FAM124A: variants seen among roughly 807,000 people sequenced by gnomAD.
FAM124A encodes family with sequence similarity 124 member A, also known as protein FAM124A.
Under a neutral mutation model 24.5 loss-of-function variants are expected in FAM124A, and 23 were observed. The ratio of observed to expected loss-of-function variants is 0.94; its 90% CI spans 0.68 to 1.33. The LOEUF is 1.33. Ranked by LOEUF, FAM124A falls within the 40% of genes most tolerant of loss-of-function variation. The pLI is 0.00. For synonymous variants in FAM124A, 287 were observed against 314.7 expected (o/e 0.91, Z 0.93); for missense variants, 623 against 722.8 (o/e 0.86, Z 1.58).
At chr13:51,270,460 C>T (rs1954830212) in intron 3 of FAM124A, among the ~76,000 whole-genome samples, 2 of 151,836 alleles carry the variant, frequency 1.3e-5, no homozygotes, top group Non-Finnish European at 2.9e-5. Context: ...TGCTTTTTAC[C>T]ACTCAAGAAA....
Position 51,281,225 on chromosome 13 carries a change from G to A in FAM124A, c.1610G>A (p.Gly537Glu). 1 of 1,592,296 alleles carries A rather than the reference G, an allele frequency of 6.3e-7. No individual in the cohort carries two copies. Among genetic ancestry groups the A allele is most frequent in the Non-Finnish European group, 8.5e-7 (1 of 1,170,918 alleles). Reference sequence around the variant, plus strand: ...CCACCCCCAGGGTCGGCTGGCCCCGGGGATAACGACATGGAGGAATTCTAC... The same window carrying A: ...CCACCCCCAGGGTCGGCTGGCCCCGAGGATAACGACATGGAGGAATTCTAC... The part of the protein sequence containing the change: ...MPPPPGSAGP[G>E]DNDMEEFYI Residue 537 changes from glycine to glutamate, a missense_variant, in exon 4 of 4, where the codon GGG becomes GAG. By Grantham distance (98) the Gly-to-Glu change is moderately conservative (BLOSUM62 -2). Coordinates refer to ENST00000322475, the MANE Select transcript of FAM124A (RefSeq NM_001242312.2).
chr13:51,252,487 C>A, intron 3 of FAM124A: 1 of 490,800 alleles, frequency 2.0e-6, no homozygotes, highest in Non-Finnish European at 3.6e-6. Context: ...ACTAAACACC[C>A]ATGACTCCTG....
rs780570797 is a variant in FAM124A, at chr13:51,225,976, C to CTTT, written c.68+3440_68+3442dup. On this transcript the variant is annotated intron_variant, in intron 1 of 3. Transcript: ENST00000322475. ...ATCTGTAATGTTGCTTGCTTGCTTT[C>CTTT]TTTTTTTTTTTTTTTTTTTTTTTTT... is the stretch of plus-strand genomic sequence containing the variant. Among the ~76,000 whole-genome samples the CTTT allele has an allele frequency of 4.4e-3, 294 of 67,572 alleles. 30 individuals carry two copies. The highest frequency in any genetic ancestry group is 0.014 in the African/African-American group (186 of 13,376). 44.3% of individuals were successfully genotyped at this position (67,572 alleles called of 152,430 possible).
At chr13:51,243,972 A>G (rs1954529581) in intron 2 of FAM124A, among the ~76,000 whole-genome samples, 1 of 152,162 alleles carries the variant, frequency 6.6e-6, no homozygotes, top group African/African-American at 2.4e-5. Context: ...CCAGCCCCCA[A>G]GCCACTCAGT....
intron 3 of FAM124A, among the ~76,000 whole-genome samples, chr13:51,254,207 TG>T (rs1260840273): frequency 6.6e-6 from 1 of 152,228 alleles, no homozygotes; most frequent in African/African-American, 2.4e-5. Context: ...TAAATTTTTT[TG>T]TTTAGTTGAA....
In FAM124A at chr13:51,251,959, C is replaced by T. The variant is rs2137679370; in HGVS notation, c.592C>T (p.Pro198Ser). 1 of 1,614,250 alleles carries T rather than the reference C, an allele frequency of 6.2e-7. No individual in the cohort carries two copies. Among genetic ancestry groups the T allele is most frequent in the Non-Finnish European group, 8.5e-7 (1 of 1,180,042 alleles). Residue 198 changes from proline (P) to serine (S), a missense_variant, in exon 3 of 4, where the codon CCC becomes TCC. Transcript: ENST00000322475. This position sits in a 1 kb window ranked among gnomAD's most constrained non-coding sequence, Gnocchi z 5.3. ...CTACCAGCTGATTCTCCGGAGGAGCCCCAGCCAGAAGAAAGCGGACTTCTG... is the reference window on the plus strand; with the variant it reads ...CTACCAGCTGATTCTCCGGAGGAGCTCCAGCCAGAAGAAAGCGGACTTCTG... ...RFYQLILRRS[P>S]SQKKADFCIF...
At chr13:51,226,253 C>T (rs1220052836) in intron 1 of FAM124A, among the ~76,000 whole-genome samples, 1 of 152,012 alleles carries the variant, frequency 6.6e-6, no homozygotes, top group Non-Finnish European at 1.5e-5. Context: ...TCCACCTTGG[C>T]CTCCCAAAGC....
At chr13:51,232,757 C>G (rs1438601358) in intron 2 of FAM124A, among the ~76,000 whole-genome samples, 1 of 152,254 alleles carries the variant, frequency 6.6e-6, no homozygotes, top group Non-Finnish European at 1.5e-5. Flanking sequence ...TTCCATTCCA[C>G]TCAGTTTTGC....
At position 51,280,571 on chromosome 13, in the gene FAM124A, A is replaced by C. The variant is rs1268743728; in HGVS notation, c.956A>C (p.Gln319Pro). ...AVPSHTPGSS[Q>P]QSPLNSPHPG... ...CCAAGCCATACACCTGGCAGCAGCC[A>C]GCAGTCCCCGCTCAACAGTCCTCAC... is the stretch of plus-strand genomic sequence containing the variant. Residue 319 changes from glutamine to proline, a missense_variant, in exon 4 of 4, where the codon CAG becomes CCG. Transcript: ENST00000322475. 1 of 1,614,036 alleles carries C rather than the reference A, an allele frequency of 6.2e-7. No individual in the cohort carries two copies. The highest frequency in any genetic ancestry group is 1.7e-5 in the Admixed American group (1 of 60,020).
In FAM124A at chr13:51,248,634, C is replaced by T. The variant is rs114274347; in HGVS notation, c.101-2834C>T. Among the ~76,000 whole-genome samples the T allele has an allele frequency of 4.4e-3, 664 of 152,202 alleles. 7 individuals carry two copies. The highest frequency in any genetic ancestry group is 0.016 in the African/African-American group (648 of 41,524). On this transcript the variant is annotated intron_variant, in intron 2 of 3. Transcript: ENST00000322475. ...ATGTGTCTCATCCCCTTACTGGGAC[C>T]GGTGGGCTCCCCCAAGTATGTTCTT...
chr13:51,226,548 G>A (rs1309798279), intron 1 of FAM124A, among the ~76,000 whole-genome samples: 1 of 152,144 alleles, frequency 6.6e-6, no homozygotes, highest in Non-Finnish European at 1.5e-5. Flanking sequence ...ATAACAAGGG[G>A]TACGAGTTCC....
At chr13:51,231,420 C>A (rs1027901009) in intron 2 of FAM124A, 41 bp downstream of exon 2, 1 of 1,609,082 alleles carries the variant, frequency 6.2e-7, no homozygotes, top group South Asian at 1.1e-5. Flanking sequence ...GTCTAACGGT[C>A]CCCGGAGAGG....
chr13:51,240,734 C>T (rs1460620960), intron 2 of FAM124A, among the ~76,000 whole-genome samples: 1 of 152,206 alleles, frequency 6.6e-6, no homozygotes, highest in African/African-American at 2.4e-5. Context: ...GACATAAAAG[C>T]AGTACTGCTT....
At chr13:51,244,865 C>T (rs1266658146) in intron 2 of FAM124A, among the ~76,000 whole-genome samples, 1 of 152,232 alleles carries the variant, frequency 6.6e-6, no homozygotes, top group African/African-American at 2.4e-5. Flanking sequence ...ACAGCAGGCT[C>T]TCCCACCTAA....
rs2137722324 is a variant in FAM124A at position 51,284,126 on chromosome 13, T to TCATC, written c.*2873_*2876dup. ...CCTGGCCATTCCAGTAGCATCTTCCTCATCCAGAAGGGCTTCCAATACTCT... is the reference window on the plus strand; with the variant it reads ...CCTGGCCATTCCAGTAGCATCTTCCTCATCCATCCAGAAGGGCTTCCAATACTCT... On this transcript the variant is annotated 3_prime_UTR_variant, in exon 4 of 4. Coordinates refer to ENST00000322475, the MANE Select transcript of FAM124A (RefSeq NM_001242312.2). The TCATC allele has an allele frequency of 6.6e-6, 1 of 152,336 alleles. No homozygotes were observed. Among genetic ancestry groups the TCATC allele is most frequent in the East Asian group, 1.9e-4 (1 of 5,190 alleles). The allele number at this position is 152,336 out of a possible 1,614,324, so 9.4% of individuals were successfully genotyped here.
chr13:51,228,842 T>TA (rs1954343448), intron 1 of FAM124A, among the ~76,000 whole-genome samples: 1 of 152,210 alleles, frequency 6.6e-6, no homozygotes, highest in African/African-American at 2.4e-5. Flanking sequence ...CCACCCATGA[T>TA]AATTTTTCTA....
At chr13:51,247,886 C>G (rs998157023) in intron 2 of FAM124A, among the ~76,000 whole-genome samples, 1 of 152,104 alleles carries the variant, frequency 6.6e-6, no homozygotes, top group Admixed American at 6.5e-5. Context: ...TTCTGCCGAT[C>G]GTGTCATGAA....
At chr13:51,234,190 A>T (rs1205283862) in intron 2 of FAM124A, among the ~76,000 whole-genome samples, 2 of 152,214 alleles carry the variant, frequency 1.3e-5, no homozygotes, top group African/African-American at 4.8e-5. Context: ...TTCTTACTCA[A>T]CATTCACGTG....
chr13:51,248,549 C>T (rs1033479510), intron 2 of FAM124A, among the ~76,000 whole-genome samples: 5 of 152,194 alleles, frequency 3.3e-5, no homozygotes, highest in Non-Finnish European at 5.9e-5. Flanking sequence ...TCTTGCCCTG[C>T]GTCTTTGGGT....
Sources: allele counts gnomAD v4.1 joint callset (sites outside exome capture counted in the v4.1 genomes callset), GRCh38; gene constraint gnomAD v4.1.1; non-coding constraint Gnocchi (gnomAD v3.1); transcripts MANE v1.5; gene names NCBI Gene and HGNC (gene_info 2026-07-23, HGNC 2026-07-21).